The following SOX6 variants were observed in gnomAD, a reference collection of about 807,000 sequenced individuals.
The protein encoded by SOX6 is transcription factor SOX-6.
A neutral mutation model predicts 97.8 loss-of-function variants in SOX6; 11 were observed. The observed-to-expected ratio is 0.11, with a 90% CI of 0.07 to 0.19. SOX6 has a LOEUF of 0.19. Among genes scored for constraint, SOX6 ranks in the 10% least tolerant of loss-of-function variants. SOX6 has a pLI of 1.00. For synonymous variants in SOX6, 360 were observed against 371.4 expected, an observed-to-expected ratio of 0.97 and a Z score of 0.35; for missense variants, 810 against 1,039.5, an observed-to-expected ratio of 0.78 and a Z score of 3.04.
intron 13 of SOX6, among the ~76,000 whole-genome samples, chr11:16,010,315 T>C (rs146773513): frequency 2.1e-3 from 326 of 152,120 alleles, no homozygotes; most frequent in Non-Finnish European, 3.8e-3. Flanking sequence ...CTATTTCCAT[T>C]TGAATCAATG....
intron 12 of SOX6, among the ~76,000 whole-genome samples, chr11:16,020,952 G>A (rs1358604425): frequency 6.6e-6 from 1 of 152,046 alleles, no homozygotes; most frequent in African/African-American, 2.4e-5. Context: ...AAAACATGCT[G>A]CACAAGTATC....
intron 13 of SOX6, among the ~76,000 whole-genome samples, chr11:15,990,446 A>C (rs1164718215): frequency 6.6e-6 from 1 of 151,762 alleles, no homozygotes; most frequent in Non-Finnish European, 1.5e-5. Flanking sequence ...AACATACTAG[A>C]TTGAAAGCTC....
At chr11:16,666,623 T>C (rs1362295613) in intron 3 of SOX6, among the ~76,000 whole-genome samples, 4 of 152,024 alleles carry the variant, frequency 2.6e-5, no homozygotes, top group Non-Finnish European at 5.9e-5. Flanking sequence ...CTGGCAAATA[T>C]GGCAAAACCC....
At chr11:16,219,437 G>A (rs982277436) in intron 4 of SOX6, among the ~76,000 whole-genome samples, 3 of 151,994 alleles carry the variant, frequency 2.0e-5, no homozygotes, top group South Asian at 2.1e-4. Flanking sequence ...ACACGAATGA[G>A]TGCATTTTTT....
At chr11:16,018,680 T>G (rs1046251901) in intron 12 of SOX6, among the ~76,000 whole-genome samples, 15 of 152,274 alleles carry the variant, frequency 9.9e-5, no homozygotes, top group Admixed American at 2.0e-4. Context: ...GCTCTTAAAT[T>G]TATGTGTGTT....
At chr11:15,992,792 TGGA>T (rs771000305) in intron 13 of SOX6, among the ~76,000 whole-genome samples, 28 of 152,356 alleles carry the variant, frequency 1.8e-4, no homozygotes, top group Non-Finnish European at 3.2e-4. Context: ...AAGGCTTATA[TGGA>T]ACTCACTGAA....
chr11:16,159,012 T>C (rs188806809), intron 6 of SOX6, among the ~76,000 whole-genome samples: 15 of 152,082 alleles, frequency 9.9e-5, no homozygotes, highest in Admixed American at 7.9e-4. Flanking sequence ...ATTTTCACCA[T>C]TTTCCATCTC....
chr11:16,725,622 G>A (rs1325170770), intron 2 of SOX6, among the ~76,000 whole-genome samples: 1 of 152,166 alleles, frequency 6.6e-6, no homozygotes, highest in Admixed American at 6.5e-5. Flanking sequence ...GCAGATTAGT[G>A]GTTGCCTGGG....
At chr11:16,642,744 T>C (rs571380263) in intron 3 of SOX6, among the ~76,000 whole-genome samples, 1 of 152,360 alleles carries the variant, frequency 6.6e-6, no homozygotes, top group South Asian at 2.1e-4. Context: ...ATAGTTCTCA[T>C]GCCATGGTTT....
intron 3 of SOX6, among the ~76,000 whole-genome samples, chr11:16,287,531 GA>G (rs1854789963): frequency 6.6e-6 from 1 of 151,912 alleles, no homozygotes; most frequent in Non-Finnish European, 1.5e-5. Flanking sequence ...TAGAAGAATA[GA>G]AAAAACACTG....
At chr11:16,692,619 AAATCAC>A (rs1471044435) in intron 3 of SOX6, among the ~76,000 whole-genome samples, 2 of 152,202 alleles carry the variant, frequency 1.3e-5, no homozygotes, top group Non-Finnish European at 2.9e-5. Flanking sequence ...GGAGTCTGAA[AAATCAC>A]TCCAAGCAGT....
chr11:16,114,308 A>C (rs1849296777), intron 6 of SOX6, among the ~76,000 whole-genome samples: 1 of 152,108 alleles, frequency 6.6e-6, no homozygotes, highest in Admixed American at 6.6e-5. Flanking sequence ...ATATGCTGCT[A>C]TTTTCTTGAC....
chr11:16,606,462 A>G (rs567051238), intron 4 of SOX6, among the ~76,000 whole-genome samples: 1 of 152,222 alleles, frequency 6.6e-6, no homozygotes, highest in East Asian at 1.9e-4. Context: ...CTTTCACAGA[A>G]CGAGGAGGGA....
At chr11:16,652,631 T>C (rs12799969) in intron 3 of SOX6, among the ~76,000 whole-genome samples, 24,652 of 152,114 alleles carry the variant, frequency 0.16, 2,113 homozygotes, top group Non-Finnish European at 0.18. Flanking sequence ...ATCAAAGACT[T>C]AAATCTAAGA....
intron 15 of SOX6, among the ~76,000 whole-genome samples, chr11:15,982,179 T>C (rs1439942739): frequency 6.6e-6 from 1 of 152,058 alleles, no homozygotes; most frequent in Non-Finnish European, 1.5e-5. Flanking sequence ...CAATGTCCTT[T>C]GGTAAAAGGG....
intron 1 of SOX6, among the ~76,000 whole-genome samples, chr11:16,450,952 C>A (rs1404593453): frequency 6.6e-6 from 1 of 152,098 alleles, no homozygotes; most frequent in Non-Finnish European, 1.5e-5. Flanking sequence ...ATTTGAGGGG[C>A]ACTGGGTGCA....
intron 10 of SOX6, among the ~76,000 whole-genome samples, chr11:16,054,490 A>C (rs1443407454): frequency 6.6e-6 from 1 of 152,182 alleles, no homozygotes; most frequent in African/African-American, 2.4e-5. Context: ...AGGTGGCATT[A>C]AATTAATTCC....
intron 4 of SOX6, among the ~76,000 whole-genome samples, chr11:16,526,286 T>C (rs1590233776): frequency 1.3e-5 from 2 of 152,166 alleles, no homozygotes; most frequent in African/African-American, 4.8e-5. Flanking sequence ...ATATACACCA[T>C]GGAATACTAT....
chr11:16,715,221 T>C (rs1400327709), intron 2 of SOX6, among the ~76,000 whole-genome samples: 1 of 152,174 alleles, frequency 6.6e-6, no homozygotes, highest in Non-Finnish European at 1.5e-5. Flanking sequence ...GATTTTTGAA[T>C]AAAAGAATCT....
Sources: allele counts gnomAD v4.1 joint callset (sites outside exome capture counted in the v4.1 genomes callset), GRCh38; gene constraint gnomAD v4.1.1; transcripts MANE v1.5; gene names NCBI Gene and HGNC (gene_info 2026-07-23, HGNC 2026-07-21).